Variants in IMMP2L observed in about 807,000 individuals in gnomAD.
The protein encoded by IMMP2L is mitochondrial inner membrane protease subunit 2.
IMMP2L carries 18 observed loss-of-function variants against 19.3 expected under a neutral mutation model. The observed-to-expected ratio is 0.93, with a 90% CI of 0.64 to 1.38. The LOEUF (loss-of-function observed/expected upper bound fraction) is 1.38. Ranked by LOEUF, IMMP2L falls within the 40% of genes most tolerant of loss-of-function variation. The pLI is 0.00. For synonymous variants in IMMP2L, 76 were observed against 73.0 expected (o/e 1.04, Z -0.21); for missense variants, 233 against 218.2 (o/e 1.07, Z -0.43).
chr7:111,360,956 G>C (rs888697932), intron 3 of IMMP2L, among the ~76,000 whole-genome samples: 3 of 151,864 alleles, frequency 2.0e-5, no homozygotes, highest in African/African-American at 7.3e-5. Context: ...TTTAAATGAT[G>C]AATATATATT....
At chr7:111,235,758 A>G (rs1467234685) in intron 3 of IMMP2L, among the ~76,000 whole-genome samples, 2 of 151,690 alleles carry the variant, frequency 1.3e-5, no homozygotes, top group Admixed American at 1.3e-4. Context: ...CATTTTTTCA[A>G]ATATTTCAGT....
intron 3 of IMMP2L, among the ~76,000 whole-genome samples, chr7:111,190,276 G>C (rs771986549): frequency 6.6e-6 from 1 of 151,846 alleles, no homozygotes; most frequent in Non-Finnish European, 1.5e-5. Context: ...CATTCTCAAG[G>C]TAAACAATGA....
intron 3 of IMMP2L, among the ~76,000 whole-genome samples, chr7:111,358,519 A>G (rs139435362): frequency 1.3e-5 from 2 of 152,166 alleles, no homozygotes; most frequent in East Asian, 1.9e-4. Flanking sequence ...CCTAAGCTCA[A>G]TTAGAAGTCA....
At chr7:111,026,616 T>C (rs752501308) in intron 3 of IMMP2L, among the ~76,000 whole-genome samples, 2 of 152,124 alleles carry the variant, frequency 1.3e-5, no homozygotes, top group Non-Finnish European at 2.9e-5. Context: ...CTGAATCAAG[T>C]AGTTCAGAAA....
At chr7:111,452,163 T>C (rs1179511759) in intron 3 of IMMP2L, among the ~76,000 whole-genome samples, 1 of 152,172 alleles carries the variant, frequency 6.6e-6, no homozygotes, top group Non-Finnish European at 1.5e-5. Context: ...AGCCTTACTT[T>C]AGTTTTTATC....
intron 1 of IMMP2L, among the ~76,000 whole-genome samples, chr7:111,557,997 C>T: frequency 6.6e-6 from 1 of 151,648 alleles, no homozygotes; most frequent in Middle Eastern, 3.2e-3. Context: ...TTACTAAGTC[C>T]TAACCATTAA....
Position 111,123,684 on chromosome 7 carries a change from T to G in IMMP2L, c.240-160119A>C. 6.2e-7 allele frequency: 1 copy of G among 1,613,972 alleles called. No homozygotes were observed. The highest frequency in any genetic ancestry group is 2.2e-5 in the East Asian group (1 of 44,864). ...AGCTGATTTCCATCGATAGTCTTGC[T>G]GTGGATAACCTGCCAGATTTAAGAA... On this transcript the variant is annotated intron_variant, in intron 3 of 5. Coordinates refer to ENST00000405709, the MANE Select transcript of IMMP2L (RefSeq NM_032549.4). The surrounding 1 kb of genome is among the most constrained non-coding windows in gnomAD (Gnocchi z 6.4).
chr7:111,047,118 T>C (rs908810969), intron 3 of IMMP2L, among the ~76,000 whole-genome samples: 8 of 152,180 alleles, frequency 5.3e-5, no homozygotes, highest in African/African-American at 1.9e-4. Flanking sequence ...TTACCTCTGC[T>C]GGGAATGTCT....
At chr7:110,826,891 T>C (rs978214477) in intron 5 of IMMP2L, among the ~76,000 whole-genome samples, 1 of 151,998 alleles carries the variant, frequency 6.6e-6, no homozygotes, top group African/African-American at 2.4e-5. Context: ...TTAATAATTT[T>C]ACTCCTTCAT....
At chr7:110,950,909 A>G (rs1212530088) in intron 4 of IMMP2L, among the ~76,000 whole-genome samples, 3 of 142,900 alleles carry the variant, frequency 2.1e-5, no homozygotes, top group Non-Finnish European at 4.5e-5. Context: ...ATATATGCCA[A>G]ATATATATAT....
chr7:110,670,713 A>C lies in IMMP2L; in HGVS notation c.409-6992T>G, dbSNP rs1424541595. On this transcript the variant is annotated intron_variant, in intron 5 of 5. Coordinates refer to ENST00000405709, the MANE Select transcript of IMMP2L (RefSeq NM_032549.4). The stretch of plus-strand genomic sequence containing the variant: ...TCAAAAAAAAAAAAAAACAAAAAAA[A>C]CAAAAAAAACCCCTAAACAACACAG... 7.7e-3 allele frequency among the ~76,000 whole-genome samples: 1,157 copies of C among 149,630 alleles called. 16 individuals are homozygous for C. Among genetic ancestry groups the C allele is most frequent in the African/African-American group, 0.027 (1,097 of 40,432 alleles).
At chr7:111,145,519 A>G (rs937345149) in intron 3 of IMMP2L, among the ~76,000 whole-genome samples, 2 of 152,158 alleles carry the variant, frequency 1.3e-5, no homozygotes, top group Non-Finnish European at 2.9e-5. Flanking sequence ...GATAGTAAGA[A>G]GTTCAGAATG....
At chr7:110,751,811 G>A (rs1171244265) in intron 5 of IMMP2L, among the ~76,000 whole-genome samples, 1 of 151,828 alleles carries the variant, frequency 6.6e-6, no homozygotes, top group Non-Finnish European at 1.5e-5. Context: ...AATGTCATAA[G>A]ATTTAAAAAA....
chr7:111,554,056 T>C (rs1207441254), intron 1 of IMMP2L, among the ~76,000 whole-genome samples: 2 of 152,116 alleles, frequency 1.3e-5, no homozygotes, highest in African/African-American at 2.4e-5. Flanking sequence ...TAATCTACAA[T>C]TTTTTAGCTC....
intron 3 of IMMP2L, among the ~76,000 whole-genome samples, chr7:111,030,512 T>G (rs1790646627): frequency 6.6e-6 from 1 of 152,108 alleles, no homozygotes; most frequent in South Asian, 2.1e-4. Flanking sequence ...ACAACAAACA[T>G]GAGGAAGTCA....
At chr7:111,047,305 A>T (rs543339184) in intron 3 of IMMP2L, among the ~76,000 whole-genome samples, 1 of 151,964 alleles carries the variant, frequency 6.6e-6, no homozygotes. Context: ...CTCCTGCCTC[A>T]ACCTTCCAAG....
chr7:110,909,420 G>A lies in IMMP2L; in HGVS notation c.306-22725C>T, dbSNP rs1812801427. On this transcript the variant is annotated intron_variant, in intron 4 of 5. Transcript: ENST00000405709. ...CCTAAAATAAATACCTTATAAGCCA[G>A]ACAATGTAGCATGGCAGGGTGTAAT... is the stretch of plus-strand genomic sequence containing the variant. Among the ~76,000 whole-genome samples the A allele has an allele frequency of 4.6e-5, 7 of 152,148 alleles. No homozygotes were observed. The South Asian group carries it at 1.5e-3, about 32-fold the overall frequency.
intron 3 of IMMP2L, among the ~76,000 whole-genome samples, chr7:111,421,330 C>T (rs1245143552): frequency 3.7e-5 from 5 of 135,936 alleles, no homozygotes; most frequent in Middle Eastern, 4.5e-3. Flanking sequence ...AGTGCAGTGG[C>T]GCAATCTCGG....
intron 2 of IMMP2L, among the ~76,000 whole-genome samples, chr7:111,491,189 T>G (rs1843067659): frequency 6.6e-6 from 1 of 152,160 alleles, no homozygotes; most frequent in Non-Finnish European, 1.5e-5. Context: ...CTATCTTACT[T>G]TATTGTAAAA....
Sources: allele counts gnomAD v4.1 joint callset (sites outside exome capture counted in the v4.1 genomes callset), GRCh38; gene constraint gnomAD v4.1.1; non-coding constraint Gnocchi (gnomAD v3.1); transcripts MANE v1.5; gene names NCBI Gene and HGNC (gene_info 2026-07-23, HGNC 2026-07-21).